RANBP17: variants seen among roughly 807,000 people sequenced by gnomAD.
RANBP17 encodes the protein ran-binding protein 17.
RANBP17 carries 158 observed loss-of-function variants against 141.2 expected under a neutral mutation model. The ratio of observed to expected loss-of-function variants is 1.12; its 90% confidence interval spans 0.98 to 1.28. RANBP17 has a LOEUF of 1.28. RANBP17 is among the 50% of genes most tolerant of loss of function. RANBP17 has a pLI of 0.00. For synonymous variants in RANBP17, 430 were observed against 450.0 expected (o/e 0.96, Z 0.56); for missense variants, 1,438 against 1,290.7 (o/e 1.11, Z -1.75).
intron 13 of RANBP17, among the ~76,000 whole-genome samples, chr5:170,954,281 T>C (rs1204755672): frequency 1.3e-5 from 2 of 152,184 alleles, no homozygotes; most frequent in Non-Finnish European, 2.9e-5. Flanking sequence ...ATAAAAATTA[T>C]ATACTAATTT....
chr5:170,980,279 T>A (rs1777670817), intron 14 of RANBP17, among the ~76,000 whole-genome samples: 1 of 152,156 alleles, frequency 6.6e-6, no homozygotes, highest in Non-Finnish European at 1.5e-5. Context: ...CCTGACAATG[T>A]GATAGAAAAG....
intron 14 of RANBP17, among the ~76,000 whole-genome samples, chr5:170,975,046 C>T (rs543553137): frequency 2.6e-5 from 4 of 152,282 alleles, no homozygotes; most frequent in Non-Finnish European, 5.9e-5. Context: ...CCTGCCAGTC[C>T]AGGCACACCT....
intron 14 of RANBP17, among the ~76,000 whole-genome samples, chr5:171,001,112 G>A (rs1405711459): frequency 6.6e-6 from 1 of 152,106 alleles, no homozygotes; most frequent in Non-Finnish European, 1.5e-5. Flanking sequence ...TATTTTGGGG[G>A]TGGTATGGAG....
intron 12 of RANBP17, among the ~76,000 whole-genome samples, chr5:170,951,435 T>C (rs1431376798): frequency 6.6e-6 from 1 of 152,096 alleles, no homozygotes; most frequent in Non-Finnish European, 1.5e-5. Flanking sequence ...TATTGATATG[T>C]GCTAAAACAT....
At chr5:171,216,484 A>G (rs903596737) in intron 21 of RANBP17, among the ~76,000 whole-genome samples, 11 of 152,118 alleles carry the variant, frequency 7.2e-5, no homozygotes, top group East Asian at 5.8e-4. Context: ...TCTATAATCT[A>G]TAAATTACTT....
intron 19 of RANBP17, among the ~76,000 whole-genome samples, chr5:171,202,568 A>C (rs1581013258): frequency 1.3e-5 from 2 of 152,210 alleles, no homozygotes; most frequent in South Asian, 2.1e-4. Flanking sequence ...CTTTAACAGA[A>C]TGATTTTGCT....
chr5:170,911,786 C>G (rs1771548124), intron 7 of RANBP17, among the ~76,000 whole-genome samples: 1 of 151,868 alleles, frequency 6.6e-6, no homozygotes, highest in African/African-American at 2.4e-5. Context: ...AGAGTTGCAA[C>G]TTGCTTATAG....
chr5:171,044,233 TAAAG>T (rs898654881), intron 14 of RANBP17, among the ~76,000 whole-genome samples: 1 of 152,070 alleles, frequency 6.6e-6, no homozygotes, highest in African/African-American at 2.4e-5. Flanking sequence ...TCTGTATTCT[TAAAG>T]AACTAGAAAT....
chr5:171,235,719 G>A (rs775136528), intron 22 of RANBP17, among the ~76,000 whole-genome samples: 4 of 151,736 alleles, frequency 2.6e-5, no homozygotes, highest in South Asian at 2.1e-4. Flanking sequence ...CTCCCACCTC[G>A]GCCTCCCAAG....
intron 24 of RANBP17, chr5:171,251,747 C>T (rs1765576916): frequency 2.5e-6 from 2 of 804,672 alleles, no homozygotes; most frequent in East Asian, 2.7e-5. Flanking sequence ...GAGCAGGTGG[C>T]CCCGTTCCCC....
chr5:171,265,961 A>AT (rs1766645642), intron 25 of RANBP17, 114 bp downstream of exon 25: 3 of 761,210 alleles, frequency 3.9e-6, no homozygotes, highest in Admixed American at 5.9e-5. Flanking sequence ...ACTGGTAAAA[A>AT]ATATATATAT....
At chr5:171,186,133 G>A (rs984147976) in intron 18 of RANBP17, among the ~76,000 whole-genome samples, 1 of 152,160 alleles carries the variant, frequency 6.6e-6, no homozygotes, top group Non-Finnish European at 1.5e-5. Context: ...ATCAGCATTA[G>A]CCCCTAATGA....
chr5:171,040,589 T>TC (rs771752348), intron 14 of RANBP17, among the ~76,000 whole-genome samples: 30 of 152,102 alleles, frequency 2.0e-4, no homozygotes, highest in Non-Finnish European at 3.5e-4. Flanking sequence ...TTTAATCCTG[T>TC]AGAAGGGGTC....
chr5:170,897,607 G>A (rs1581086819), intron 5 of RANBP17, among the ~76,000 whole-genome samples: 1 of 126,562 alleles, frequency 7.9e-6, no homozygotes, highest in Non-Finnish European at 1.6e-5. Flanking sequence ...TTCTCTCCCC[G>A]TGTCCATGTG....
chr5:170,955,232 T>C (rs981096622), intron 13 of RANBP17, among the ~76,000 whole-genome samples: 11 of 151,980 alleles, frequency 7.2e-5, no homozygotes, highest in African/African-American at 2.7e-4. Context: ...CATTTGTTAG[T>C]GGTTGAACTG....
intron 5 of RANBP17, chr5:170,897,493 G>C (rs1352530974): frequency 2.9e-6 from 1 of 341,390 alleles, no homozygotes; most frequent in Non-Finnish European, 5.7e-6. Context: ...TGCCATGGTG[G>C]TTTGCTGCAC....
At chr5:171,186,521 A>ATTTTTT (rs1243325206) in intron 18 of RANBP17, among the ~76,000 whole-genome samples, 7 of 29,510 alleles carry the variant, frequency 2.4e-4, no homozygotes, top group South Asian at 1.4e-3. Flanking sequence ...CACTGGTATG[A>ATTTTTT]TTTTCTTTTT....
chr5:171,166,310 A>G (rs917515788), intron 14 of RANBP17, among the ~76,000 whole-genome samples: 1 of 152,154 alleles, frequency 6.6e-6, no homozygotes, highest in African/African-American at 2.4e-5. Flanking sequence ...CTGAAGGATG[A>G]CCACACAGAT....
intron 12 of RANBP17, among the ~76,000 whole-genome samples, chr5:170,940,120 A>G (rs941913333): frequency 1.3e-5 from 2 of 152,228 alleles, no homozygotes; most frequent in Non-Finnish European, 2.9e-5. Context: ...GAATATTTTA[A>G]AAATAGCCAA....
Sources: allele counts gnomAD v4.1 joint callset (sites outside exome capture counted in the v4.1 genomes callset), GRCh38; gene constraint gnomAD v4.1.1; transcripts MANE v1.5; gene names NCBI Gene and HGNC (gene_info 2026-07-23, HGNC 2026-07-21).